Variants in EFNB2 observed in about 807,000 individuals in gnomAD.
EFNB2 encodes the protein ephrin-B2.
EFNB2 carries 5 observed loss-of-function variants against 32.1 expected under a neutral mutation model. The observed-to-expected ratio is 0.16, with a 90% CI of 0.08 to 0.33. The LOEUF is 0.33. EFNB2 is among the 10% of genes least tolerant of loss of function. The pLI is 1.00. For missense variants in EFNB2, 263 were observed against 422.6 expected, an observed-to-expected ratio of 0.62 and a Z score of 3.31; for synonymous variants, 168 against 166.5, an observed-to-expected ratio of 1.01 and a Z score of -0.07.
intron 2 of EFNB2, among the ~76,000 whole-genome samples, chr13:106,502,297 C>T (rs2138908518): frequency 6.6e-6 from 1 of 152,330 alleles, no homozygotes; most frequent in Non-Finnish European, 1.5e-5. Context: ...CTCCCCTCCT[C>T]TTTGCCAGCA....
chr13:106,500,382 T>C (rs1221214316), intron 2 of EFNB2, among the ~76,000 whole-genome samples: 2 of 152,202 alleles, frequency 1.3e-5, no homozygotes, highest in Non-Finnish European at 2.9e-5. Flanking sequence ...TACAGAATAA[T>C]GGTATCACAG....
intron 1 of EFNB2, among the ~76,000 whole-genome samples, chr13:106,531,091 G>A (rs768098996): frequency 3.9e-5 from 6 of 152,268 alleles, no homozygotes; most frequent in East Asian, 1.9e-4. Flanking sequence ...TCTTTGCGTC[G>A]GCAGAACCAG....
intron 1 of EFNB2, among the ~76,000 whole-genome samples, chr13:106,530,923 T>C (rs1269817510): frequency 6.6e-6 from 1 of 152,202 alleles, no homozygotes; most frequent in Admixed American, 6.5e-5. Context: ...GAGGTTTTAA[T>C]ATAAATCCAC....
chr13:106,508,423 T>C (rs1217358642), intron 2 of EFNB2, among the ~76,000 whole-genome samples: 1 of 152,064 alleles, frequency 6.6e-6, no homozygotes, highest in Non-Finnish European at 1.5e-5. Flanking sequence ...CAATTAAAGA[T>C]CTGAACATAA....
intron 1 of EFNB2, among the ~76,000 whole-genome samples, chr13:106,530,297 A>T (rs1879829730): frequency 1.3e-5 from 2 of 152,142 alleles, no homozygotes; most frequent in Non-Finnish European, 2.9e-5. Context: ...TGTTCCCTGA[A>T]AGAGCTAATT....
At chr13:106,508,153 A>C (rs1879021208) in intron 2 of EFNB2, among the ~76,000 whole-genome samples, 1 of 151,926 alleles carries the variant, frequency 6.6e-6, no homozygotes, top group South Asian at 2.1e-4. Flanking sequence ...AAACCTGCTG[A>C]CTCATTCAGC....
At chr13:106,515,929 A>G (rs1696122305) in intron 1 of EFNB2, among the ~76,000 whole-genome samples, 1 of 152,168 alleles carries the variant, frequency 6.6e-6, no homozygotes, top group Admixed American at 6.5e-5. Context: ...AAAAGTGGAG[A>G]CCACTGATCA....
intron 2 of EFNB2, among the ~76,000 whole-genome samples, chr13:106,503,764 GA>G (rs113767795): frequency 0.01 from 1,488 of 144,590 alleles, 26 homozygotes; most frequent in African/African-American, 0.033. Flanking sequence ...CCCATGTCTT[GA>G]AAAAAAAAAA....
chr13:106,494,537 C>G (rs923609965), intron 4 of EFNB2, among the ~76,000 whole-genome samples: 2 of 152,198 alleles, frequency 1.3e-5, no homozygotes, highest in African/African-American at 2.4e-5. Context: ...GGGATTAGCA[C>G]ATTAATTACA....
chr13:106,494,534 G>T (rs924873567), intron 4 of EFNB2, among the ~76,000 whole-genome samples: 1 of 152,206 alleles, frequency 6.6e-6, no homozygotes, highest in South Asian at 2.1e-4. Flanking sequence ...TGAGGGATTA[G>T]CACATTAATT....
At chr13:106,495,073 C>T (rs1878544406) in intron 3 of EFNB2, 79 bp from the exon 4 acceptor site, 1 of 1,094,840 alleles carries the variant, frequency 9.1e-7, no homozygotes, top group Admixed American at 1.7e-5. Context: ...TATATTTCAA[C>T]AGGCATGAAT....
intron 3 of EFNB2, 33 bp downstream of exon 3, chr13:106,495,715 C>G: frequency 6.2e-7 from 1 of 1,601,872 alleles, no homozygotes; most frequent in Non-Finnish European, 8.5e-7. Context: ...CACCAGGTCA[C>G]AGTGGCGTCA....
intron 1 of EFNB2, among the ~76,000 whole-genome samples, chr13:106,530,191 C>T (rs1468357541): frequency 6.6e-6 from 1 of 152,058 alleles, no homozygotes; most frequent in East Asian, 1.9e-4. Flanking sequence ...CCAAGCTGTT[C>T]GGAACATGTC....
chr13:106,494,347 ATCTGGTAT>A (rs1878518732), intron 4 of EFNB2, among the ~76,000 whole-genome samples: 1 of 152,248 alleles, frequency 6.6e-6, no homozygotes, highest in African/African-American at 2.4e-5. Context: ...GGACAATTTT[ATCTGGTAT>A]TCTACACTTT....
chr13:106,529,958 A>G (rs1431570584), intron 1 of EFNB2, among the ~76,000 whole-genome samples: 1 of 152,194 alleles, frequency 6.6e-6, no homozygotes, highest in Admixed American at 6.5e-5. Flanking sequence ...ATTGTGTCAG[A>G]CCCTTTCACT....
chr13:106,522,836 A>T (rs1879570944), intron 1 of EFNB2, among the ~76,000 whole-genome samples: 1 of 152,164 alleles, frequency 6.6e-6, no homozygotes, highest in Non-Finnish European at 1.5e-5. Flanking sequence ...CTCGTTTACC[A>T]TGGGACCCTC....
chr13:106,490,378 C>T lies in EFNB2; in HGVS notation c.*2662G>A, dbSNP rs1186768547. On this transcript the variant is annotated 3_prime_UTR_variant, in exon 5 of 5. Transcript: ENST00000646441. ...AGGCATTTACAGTAACTTTCCAAAG[C>T]TAAACCAACTTCAAACAAAGGGACA... The T allele has an allele frequency of 3.3e-5, 5 of 152,114 alleles. No homozygotes were observed. Among genetic ancestry groups the T allele is most frequent in the Admixed American group, 1.3e-4 (2 of 15,276 alleles). 9.4% of individuals were successfully genotyped at this position (152,114 alleles called of 1,614,324 possible). A position where few individuals can be genotyped will look rare whatever the true frequency, so the allele number is the denominator to read the frequency against.
intron 2 of EFNB2, among the ~76,000 whole-genome samples, chr13:106,496,938 T>A (rs1878610644): frequency 1.3e-5 from 2 of 152,210 alleles, no homozygotes; most frequent in Admixed American, 6.5e-5. Flanking sequence ...TTCATATACA[T>A]TTCTGCAATT....
chr13:106,493,787 C>T lies in EFNB2; in HGVS notation c.614-359G>A, dbSNP rs747637865. Reference sequence around the variant, plus strand: ...GGAAGTGGCCAATTCTCCAGGTCAGCGGTGAGCGTTTATGTGGTATTGCTC... The same window carrying T: ...GGAAGTGGCCAATTCTCCAGGTCAGTGGTGAGCGTTTATGTGGTATTGCTC... On this transcript the variant is annotated intron_variant, in intron 4 of 4. Coordinates refer to ENST00000646441, the MANE Select transcript of EFNB2 (RefSeq NM_004093.4). This position sits in a 1 kb window ranked among gnomAD's most constrained non-coding sequence, Gnocchi z 6.1. Among the ~76,000 whole-genome samples the T allele has an allele frequency of 5.9e-5, 9 of 152,152 alleles. No homozygotes were observed. The highest frequency in any genetic ancestry group is 8.8e-5 in the Non-Finnish European group (6 of 68,034).
Sources: allele counts gnomAD v4.1 joint callset (sites outside exome capture counted in the v4.1 genomes callset), GRCh38; gene constraint gnomAD v4.1.1; non-coding constraint Gnocchi (gnomAD v3.1); transcripts MANE v1.5; gene names NCBI Gene and HGNC (gene_info 2026-07-23, HGNC 2026-07-21).